The following SUGCT variants were observed in gnomAD, a reference collection of about 807,000 sequenced individuals.
SUGCT encodes succinyl-CoA:glutarate-CoA transferase.
A neutral mutation model predicts 55.0 loss-of-function variants in SUGCT; 41 were observed. The observed-to-expected ratio is 0.74, with a 90% CI of 0.58 to 0.97. The LOEUF (loss-of-function observed/expected upper bound fraction) is 0.97. Ranked by LOEUF, SUGCT falls within the 50% of genes least tolerant of loss-of-function variation. SUGCT has a pLI of 0.00. For missense variants in SUGCT, 568 were observed against 547.8 expected (o/e 1.04, Z -0.37); for synonymous variants, 187 against 200.4 (o/e 0.93, Z 0.56).
chr7:40,649,425 A>G (rs948352764), intron 12 of SUGCT, among the ~76,000 whole-genome samples: 1 of 152,140 alleles, frequency 6.6e-6, no homozygotes, highest in Non-Finnish European at 1.5e-5. Context: ...TTGAGAGATT[A>G]TGTAACTTGC....
At chr7:40,421,905 C>T (rs776434248) in intron 9 of SUGCT, among the ~76,000 whole-genome samples, 1 of 152,086 alleles carries the variant, frequency 6.6e-6, no homozygotes, top group Non-Finnish European at 1.5e-5. Context: ...CAGAGATCTC[C>T]GACCTTCTAG....
At chr7:40,706,509 AAAAAG>A (rs1785416889) in intron 12 of SUGCT, among the ~76,000 whole-genome samples, 1 of 152,228 alleles carries the variant, frequency 6.6e-6, no homozygotes, top group African/African-American at 2.4e-5. Context: ...CTGTCTCAAA[AAAAAG>A]AAGAGAAAAG....
At chr7:40,735,206 A>G (rs1242949293) in intron 12 of SUGCT, among the ~76,000 whole-genome samples, 1 of 152,216 alleles carries the variant, frequency 6.6e-6, no homozygotes, top group Non-Finnish European at 1.5e-5. Context: ...TAAAGGCCCC[A>G]CTGCCAAGAA....
At chr7:40,462,064 G>A (rs1789833086) in intron 11 of SUGCT, among the ~76,000 whole-genome samples, 1 of 152,196 alleles carries the variant, frequency 6.6e-6, no homozygotes, top group South Asian at 2.1e-4. Flanking sequence ...GCAAGTTGGG[G>A]ATAGAGAAGT....
intron 13 of SUGCT, among the ~76,000 whole-genome samples, chr7:40,820,273 T>C (rs1791916243): frequency 7.8e-6 from 1 of 127,616 alleles, no homozygotes; most frequent in African/African-American, 2.6e-5. Context: ...ATATGAACTT[T>C]AAAGTAGTTT....
chr7:40,384,871 G>A (rs1485180597), intron 9 of SUGCT, among the ~76,000 whole-genome samples: 4 of 152,070 alleles, frequency 2.6e-5, no homozygotes, highest in South Asian at 2.1e-4. Flanking sequence ...CTACAAAGGC[G>A]TATTGAGAGC....
chr7:40,560,584 G>C (rs1469252046), intron 12 of SUGCT, among the ~76,000 whole-genome samples: 2 of 152,136 alleles, frequency 1.3e-5, no homozygotes, highest in Admixed American at 6.5e-5. Context: ...ATACTCCAAG[G>C]ATCTTAGAGT....
At chr7:40,220,760 T>C (rs1375253463) in intron 6 of SUGCT, among the ~76,000 whole-genome samples, 1 of 152,206 alleles carries the variant, frequency 6.6e-6, no homozygotes, top group Non-Finnish European at 1.5e-5. Flanking sequence ...TTCTAAATTA[T>C]TTATTTTTGG....
intron 12 of SUGCT, among the ~76,000 whole-genome samples, chr7:40,739,023 A>G (rs150909558): frequency 7.4e-4 from 113 of 152,324 alleles, no homozygotes; most frequent in African/African-American, 2.6e-3. Flanking sequence ...ATAATTAAAA[A>G]AAAGCTTTTT....
chr7:40,882,090 A>C, the SUGCT span, among the ~76,000 whole-genome samples: 42,521 of 152,066 alleles, frequency 0.28, 8,042 homozygotes, highest in East Asian at 0.81. Context: ...AGATGAGAGC[A>C]ACTGACCAGA....
chr7:40,439,289 A>G (rs367738282), intron 9 of SUGCT, among the ~76,000 whole-genome samples: 24 of 149,938 alleles, frequency 1.6e-4, no homozygotes, highest in African/African-American at 5.9e-4. Context: ...TTATTCAGCT[A>G]CTCCCATCGT....
At chr7:40,985,134 C>A in the SUGCT span, among the ~76,000 whole-genome samples, 1 of 152,076 alleles carries the variant, frequency 6.6e-6, no homozygotes, top group African/African-American at 2.4e-5. Context: ...TTTGCAGAAC[C>A]CTAACCCTGG....
chr7:41,000,771 G>A, the SUGCT span, among the ~76,000 whole-genome samples: 1 of 152,112 alleles, frequency 6.6e-6, no homozygotes, highest in Non-Finnish European at 1.5e-5. Flanking sequence ...ATATTTCATG[G>A]ACCGGAGAAA....
the SUGCT span, among the ~76,000 whole-genome samples, chr7:40,916,768 G>A: frequency 6.6e-6 from 1 of 152,184 alleles, no homozygotes; most frequent in Non-Finnish European, 1.5e-5. Context: ...GGGTCAGACT[G>A]TGTAGGCTTT....
At chr7:40,988,029 G>C in the SUGCT span, among the ~76,000 whole-genome samples, 8 of 151,866 alleles carry the variant, frequency 5.3e-5, no homozygotes, top group East Asian at 1.6e-3. Context: ...GTGGAATGAA[G>C]CCTTCTCATT....
At chr7:40,236,715 G>A (rs375692320) in intron 6 of SUGCT, among the ~76,000 whole-genome samples, 1 of 152,256 alleles carries the variant, frequency 6.6e-6, no homozygotes, top group African/African-American at 2.4e-5. Context: ...GAGGCATATG[G>A]AAGTAGAGTG....
chr7:40,852,591 G>A (rs1476850103), intron 13 of SUGCT, among the ~76,000 whole-genome samples: 1 of 149,710 alleles, frequency 6.7e-6, no homozygotes, highest in Non-Finnish European at 1.5e-5. Context: ...TAAATTACAT[G>A]CTAGCCACAC....
At chr7:40,455,450 C>G (rs1789428823) in intron 10 of SUGCT, among the ~76,000 whole-genome samples, 1 of 152,040 alleles carries the variant, frequency 6.6e-6, no homozygotes, top group African/African-American at 2.4e-5. Context: ...TTGAAATTCA[C>G]TTCAAATATA....
intron 13 of SUGCT, among the ~76,000 whole-genome samples, chr7:40,813,071 G>T (rs1791503649): frequency 6.6e-6 from 1 of 152,144 alleles, no homozygotes; most frequent in Non-Finnish European, 1.5e-5. Context: ...TAGTCCCAGA[G>T]TGTGGTTGGT....
Sources: gnomAD v4.1 joint callset for allele counts (sites outside exome capture counted in the v4.1 genomes callset) on GRCh38, gnomAD v4.1.1 for gene constraint, MANE v1.5 for transcripts, NCBI Gene and HGNC (gene_info 2026-07-23, HGNC 2026-07-21) for gene names.